TNS1: variants seen among roughly 807,000 people sequenced by gnomAD.
TNS1 encodes the protein tensin-1.
In TNS1, 62 loss-of-function variants were observed where a neutral mutation model predicts 168.6. That is an observed-to-expected ratio of 0.37 (90% CI 0.30 to 0.45). The LOEUF (loss-of-function observed/expected upper bound fraction) is 0.45. TNS1 is among the 20% of genes least tolerant of loss of function. TNS1 has a pLI of 1.00. For synonymous variants in TNS1, 934 were observed against 933.2 expected (o/e 1.00, Z -0.02); for missense variants, 2,240 against 2,339.4 (o/e 0.96, Z 0.88).
intron 10 of TNS1, 39 bp downstream of exon 10, chr2:217,893,400 G>GCGCGCACACACACA (rs58297965): frequency 4.8e-6 from 7 of 1,461,500 alleles, no homozygotes; most frequent in African/African-American, 2.9e-5. Context: ...GTGCGCGCGC[G>GCGCGCACACACACA]CACACACACA....
chr2:217,830,523 TA>T, intron 22 of TNS1: 1 of 1,063,136 alleles, frequency 9.4e-7, no homozygotes, highest in Non-Finnish European at 1.4e-6. Context: ...CCCTCCACCA[TA>T]AGAAGGAGAG....
intron 12 of TNS1, 129 bp from the exon 13 acceptor site, chr2:217,886,775 C>T: frequency 1.4e-6 from 1 of 719,140 alleles, no homozygotes; most frequent in Non-Finnish European, 2.4e-6. Context: ...CCAACATGGT[C>T]CCCCTCCCCA....
chr2:217,835,725 AT>A (rs1411533215), intron 20 of TNS1, among the ~76,000 whole-genome samples: 1 of 152,224 alleles, frequency 6.6e-6, no homozygotes, highest in Non-Finnish European at 1.5e-5. Context: ...GAGTTTTGAA[AT>A]TGTGTTCACC....
chr2:217,907,778 G>A (rs1200005864), intron 4 of TNS1, among the ~76,000 whole-genome samples: 1 of 152,182 alleles, frequency 6.6e-6, no homozygotes, highest in Non-Finnish European at 1.5e-5. Flanking sequence ...GGGCTTTCAG[G>A]CCACCCACCA....
Position 217,849,805 on chromosome 2 carries a change from C to T in TNS1, c.1430-718G>A, listed in dbSNP as rs1047125916. On this transcript the variant is annotated intron_variant, in intron 18 of 32. Coordinates refer to ENST00000682258, the MANE Select transcript of TNS1 (RefSeq NM_001387777.1). ...TCGCCCCGAGGATAGCCTTTGCCCA[C>T]GGAAGCAGGGGGAGAACCCAGGAGG... 10 of 985,306 alleles carry T rather than the reference C, an allele frequency of 1.0e-5. No individual in the cohort carries two copies. In the Admixed American group the frequency reaches 1.8e-4, roughly 18 times the overall value. 61.0% of individuals were successfully genotyped at this position (985,306 alleles called of 1,614,324 possible).
intron 3 of TNS1, among the ~76,000 whole-genome samples, chr2:217,939,070 A>C (rs1373429114): frequency 6.6e-6 from 1 of 152,106 alleles, no homozygotes; most frequent in African/African-American, 2.4e-5. Flanking sequence ...AATAATAACT[A>C]ACCTTCATTG....
At chr2:217,883,073 G>T (rs1210415510) in intron 16 of TNS1, among the ~76,000 whole-genome samples, 1 of 152,104 alleles carries the variant, frequency 6.6e-6, no homozygotes, top group Non-Finnish European at 1.5e-5. Flanking sequence ...TGGGTCTACA[G>T]GCGTGAGCCA....
intron 1 of TNS1, among the ~76,000 whole-genome samples, chr2:218,020,136 A>G (rs528451069): frequency 6.6e-6 from 1 of 152,278 alleles, no homozygotes; most frequent in East Asian, 1.9e-4. Flanking sequence ...CCCAGAGGGA[A>G]AAAAAGGAGC....
intron 32 of TNS1, among the ~76,000 whole-genome samples, chr2:217,807,372 T>C (rs903598923): frequency 1.3e-5 from 2 of 152,258 alleles, no homozygotes; most frequent in African/African-American, 4.8e-5. Flanking sequence ...TTACTGCTGA[T>C]AGACAACTGC....
intron 19 of TNS1, among the ~76,000 whole-genome samples, chr2:217,839,577 C>T (rs570253866): frequency 2.5e-4 from 38 of 152,274 alleles, no homozygotes; most frequent in East Asian, 7.7e-4. Context: ...CACACTCACA[C>T]GCACACTCGC....
intron 3 of TNS1, among the ~76,000 whole-genome samples, chr2:217,924,022 G>T (rs958895094): frequency 6.6e-6 from 1 of 152,182 alleles, no homozygotes; most frequent in Admixed American, 6.5e-5. Flanking sequence ...AGCCAGCCCA[G>T]GCAGGGAACT....
intron 3 of TNS1, among the ~76,000 whole-genome samples, chr2:217,925,667 C>G (rs990867835): frequency 2.0e-5 from 3 of 152,212 alleles, no homozygotes; most frequent in Non-Finnish European, 4.4e-5. Flanking sequence ...ATAACACTTA[C>G]TATTTTAACT....
chr2:217,885,192 CA>C, intron 15 of TNS1, 28 bp from the exon 16 acceptor site: 1 of 1,613,852 alleles, frequency 6.2e-7, no homozygotes, highest in Non-Finnish European at 8.5e-7. Context: ...CAGAACCAGT[CA>C]GGGGCCTGAG....
At position 217,859,132 on chromosome 2, in the gene TNS1, G is replaced by A. The variant is rs182869202; in HGVS notation, c.1430-10045C>T. 118 of 170,276 alleles carry A rather than the reference G, an allele frequency of 6.9e-4. 1 individual carries two copies. The highest frequency in any genetic ancestry group is 1.3e-3 in the Non-Finnish European group (101 of 79,698). The allele number at this position is 170,276 out of a possible 1,614,324, so 10.5% of individuals were successfully genotyped here. A position where few individuals can be genotyped will look rare whatever the true frequency, so the allele number is the denominator to read the frequency against. ...AAACCCATGGCAGCCCCAGTGCCCT[G>A]AAGAGAAGCAGGGAGAGAATCTGGG... is the stretch of plus-strand genomic sequence containing the variant. On this transcript the variant is annotated intron_variant, in intron 18 of 32. Coordinates refer to ENST00000682258, the MANE Select transcript of TNS1 (RefSeq NM_001387777.1).
At chr2:217,955,012 CACCCAACAGCGGCTGGGTGCAGGT>C (rs1957327400) in intron 3 of TNS1, among the ~76,000 whole-genome samples, 2 of 152,210 alleles carry the variant, frequency 1.3e-5, no homozygotes. Context: ...TCATGAGCTC[CACCCAACAGCGGCTGGGTGCAGGT>C]ACCCACGGGC....
rs796507895 is a variant in TNS1, at chr2:217,948,094, C to T, written c.187-27858G>A. Reference sequence around the variant, plus strand: ...CTAGGAATTCCAGGTCCCAGCACTACCTCCGGAGGGCACCACATCACCCGA... The same window carrying T: ...CTAGGAATTCCAGGTCCCAGCACTATCTCCGGAGGGCACCACATCACCCGA... On this transcript the variant is annotated intron_variant, in intron 3 of 32. Transcript: ENST00000682258. This position sits in a 1 kb window ranked among gnomAD's most constrained non-coding sequence, Gnocchi z 4.1. Among the ~76,000 whole-genome samples the T allele has an allele frequency of 2.0e-5, 3 of 152,290 alleles. No homozygotes were observed. The highest frequency in any genetic ancestry group is 7.2e-5 in the African/African-American group (3 of 41,554).
intron 1 of TNS1, among the ~76,000 whole-genome samples, chr2:218,023,013 C>T (rs893482419): frequency 1.3e-5 from 2 of 152,224 alleles, no homozygotes; most frequent in Non-Finnish European, 2.9e-5. Flanking sequence ...ACTCCCCTCA[C>T]GTGGCCTCAC....
chr2:218,018,008 A>G (rs915336227), intron 1 of TNS1, among the ~76,000 whole-genome samples: 1 of 152,262 alleles, frequency 6.6e-6, no homozygotes, highest in African/African-American at 2.4e-5. Flanking sequence ...CAGCTTTGTT[A>G]GGAGATCCAG....
chr2:217,954,391 G>A (rs1038287522), intron 3 of TNS1, among the ~76,000 whole-genome samples: 1 of 152,226 alleles, frequency 6.6e-6, no homozygotes, highest in Non-Finnish European at 1.5e-5. Flanking sequence ...TCCTGATGAT[G>A]ATGGTGATGG....
Sources: gnomAD v4.1 joint callset for allele counts (sites outside exome capture counted in the v4.1 genomes callset) on GRCh38, gnomAD v4.1.1 for gene constraint, Gnocchi (gnomAD v3.1) non-coding constraint, MANE v1.5 for transcripts, NCBI Gene and HGNC (gene_info 2026-07-23, HGNC 2026-07-21) for gene names.